Variants in COL14A1 observed in about 807,000 individuals in gnomAD.
COL14A1 encodes collagen type XIV alpha 1 chain.
In COL14A1, 136 loss-of-function variants were observed where a neutral mutation model predicts 230.3. The observed-to-expected ratio is 0.59, with a 90% CI of 0.51 to 0.68. The LOEUF (loss-of-function observed/expected upper bound fraction) is 0.68. Ranked by LOEUF, COL14A1 falls within the 30% of genes least tolerant of loss-of-function variation. The pLI is 0.00. For synonymous variants in COL14A1, 792 were observed against 784.1 expected (o/e 1.01, Z -0.17); for missense variants, 1,976 against 2,215.8 (o/e 0.89, Z 2.17).
intron 4 of COL14A1, among the ~76,000 whole-genome samples, chr8:120,166,940 G>A (rs1438567652): frequency 1.3e-5 from 2 of 149,254 alleles, no homozygotes; most frequent in South Asian, 2.1e-4. Flanking sequence ...TGATGGTGGT[G>A]GTGGGGGTGC....
At chr8:120,263,522 T>C (rs959370) in intron 24 of COL14A1, among the ~76,000 whole-genome samples, 95,004 of 152,032 alleles carry the variant, frequency 0.62, 30,060 homozygotes, top group African/African-American at 0.72. Flanking sequence ...AAGTATAAAA[T>C]TAAAACAAAG....
intron 8 of COL14A1, among the ~76,000 whole-genome samples, chr8:120,201,665 A>G (rs1378068413): frequency 6.6e-6 from 1 of 152,142 alleles, no homozygotes; most frequent in Non-Finnish European, 1.5e-5. Context: ...TTTTAGAGTT[A>G]TCAATGAAAA....
intron 25 of COL14A1, among the ~76,000 whole-genome samples, chr8:120,268,202 A>T (rs540700508): frequency 1.3e-5 from 2 of 151,788 alleles, no homozygotes; most frequent in African/African-American, 4.8e-5. Context: ...GGCTCCCCAT[A>T]CATGTCTTAT....
chr8:120,216,259 T>A, intron 13 of COL14A1, 92 bp from the exon 14 acceptor site: 2 of 1,014,982 alleles, frequency 2.0e-6, no homozygotes, highest in Non-Finnish European at 2.9e-6. Context: ...ACACTTTTCA[T>A]ATGTAAATAG....
At chr8:120,185,887 C>T (rs1035851852) in intron 5 of COL14A1, among the ~76,000 whole-genome samples, 8 of 152,136 alleles carry the variant, frequency 5.3e-5, no homozygotes, top group Non-Finnish European at 7.4e-5. Flanking sequence ...ATTCTCCTGC[C>T]TCAGCCTTCT....
intron 14 of COL14A1, among the ~76,000 whole-genome samples, chr8:120,224,669 T>C (rs28495793): frequency 0.12 from 18,857 of 152,286 alleles, 1,341 homozygotes; most frequent in Non-Finnish European, 0.16. Context: ...TTAGTATTAA[T>C]GTTCCCTGAT....
chr8:120,323,616 G>A (rs1166867301), intron 40 of COL14A1, among the ~76,000 whole-genome samples: 1 of 152,106 alleles, frequency 6.6e-6, no homozygotes, highest in Non-Finnish European at 1.5e-5. Flanking sequence ...AAGGGGTCCG[G>A]TTTCAATCTT....
intron 5 of COL14A1, among the ~76,000 whole-genome samples, chr8:120,193,804 T>G (rs567583822): frequency 1.4e-3 from 208 of 152,316 alleles, no homozygotes; most frequent in Non-Finnish European, 2.2e-3. Flanking sequence ...GATCTCAGAC[T>G]GCTGTGCTAG....
intron 44 of COL14A1, 140 bp from the exon 45 acceptor site, chr8:120,345,235 A>C: frequency 1.4e-6 from 1 of 692,928 alleles, no homozygotes; most frequent in Non-Finnish European, 2.3e-6. Context: ...GCTGGAAATC[A>C]ACATATTTCA....
intron 42 of COL14A1, among the ~76,000 whole-genome samples, chr8:120,340,440 C>T (rs1822254618): frequency 1.3e-5 from 2 of 152,060 alleles, no homozygotes; most frequent in African/African-American, 4.8e-5. Context: ...AAGAAGATAC[C>T]GAGTTTGGCT....
chr8:120,312,942 G>A (rs1821094324), intron 37 of COL14A1, among the ~76,000 whole-genome samples: 1 of 152,196 alleles, frequency 6.6e-6, no homozygotes, highest in African/African-American at 2.4e-5. Context: ...CTGAGGATAG[G>A]TAGGTTTTTG....
chr8:120,172,850 G>A (rs1816139967), intron 5 of COL14A1, among the ~76,000 whole-genome samples: 1 of 152,138 alleles, frequency 6.6e-6, no homozygotes, highest in African/African-American at 2.4e-5. Context: ...ATGCATTAAG[G>A]TCTTGTCTCC....
chr8:120,339,896 G>A (rs755854342), intron 42 of COL14A1, among the ~76,000 whole-genome samples: 9 of 152,168 alleles, frequency 5.9e-5, no homozygotes, highest in Non-Finnish European at 1.0e-4. Flanking sequence ...AAATTAGCCG[G>A]ATGTGGTGGC....
intron 14 of COL14A1, among the ~76,000 whole-genome samples, chr8:120,222,562 T>C (rs900554306): frequency 6.6e-6 from 1 of 152,096 alleles, no homozygotes; most frequent in African/African-American, 2.4e-5. Flanking sequence ...TCCAGAAGAG[T>C]GGCTCAGTAC....
In COL14A1 at chr8:120,216,425, A is replaced by G; in HGVS notation, c.1672A>G (p.Thr558Ala). 9 of 1,613,870 alleles carry G rather than the reference A, an allele frequency of 5.6e-6. No homozygotes were observed. The highest frequency in any genetic ancestry group is 7.6e-6 in the Non-Finnish European group (9 of 1,179,842). The part of the protein sequence containing the change: ...SNSARLTWDP[T>A]SRQINGYRIV... ...CAGTGCTCGATTAACCTGGGACCCA[A>G]CTTCAAGACAGATCAATGGTTATCG... Residue 558 changes from threonine to alanine, a missense_variant, in exon 14 of 48, where the codon ACT becomes GCT. Thr to Ala is a moderately conservative substitution (Grantham distance 58, BLOSUM62 0). This residue lies in a region of COL14A1 where 1,791 missense variants were observed against 2,019.5 expected (regional missense o/e 0.89). Transcript: ENST00000297848.
At chr8:120,190,760 G>T (rs1298345114) in intron 5 of COL14A1, among the ~76,000 whole-genome samples, 1 of 152,160 alleles carries the variant, frequency 6.6e-6, no homozygotes, top group African/African-American at 2.4e-5. Flanking sequence ...ACTTCTTCCT[G>T]ATTTAGTCTT....
intron 36 of COL14A1, among the ~76,000 whole-genome samples, chr8:120,309,649 TTATG>T (rs1820964250): frequency 6.6e-6 from 1 of 152,212 alleles, no homozygotes; most frequent in South Asian, 2.1e-4. Context: ...CATCTCAAAG[TTATG>T]TTTTATATGT....
At chr8:120,294,040 A>G (rs1260631005) in intron 34 of COL14A1, among the ~76,000 whole-genome samples, 1 of 151,836 alleles carries the variant, frequency 6.6e-6, no homozygotes, top group Non-Finnish European at 1.5e-5. Context: ...CAAACAGAAA[A>G]TGGTTTAGTT....
chr8:120,195,066 C>G (rs1429442849), intron 5 of COL14A1, among the ~76,000 whole-genome samples: 4 of 152,246 alleles, frequency 2.6e-5, no homozygotes, highest in Admixed American at 2.0e-4. Context: ...GTTTAGCTTC[C>G]ATAATGAATA....
Sources: allele counts gnomAD v4.1 joint callset (sites outside exome capture counted in the v4.1 genomes callset), GRCh38; gene constraint gnomAD v4.1.1; regional missense constraint gnomAD v4.1.1; transcripts MANE v1.5; gene names NCBI Gene and HGNC (gene_info 2026-07-23, HGNC 2026-07-21).